Variants in DOK6 observed in about 807,000 individuals in gnomAD.
The protein encoded by DOK6 is docking protein 6.
Under a neutral mutation model 44.0 loss-of-function variants are expected in DOK6, and 22 were observed. The observed-to-expected ratio is 0.50, with a 90% CI of 0.36 to 0.71. DOK6 has a LOEUF of 0.71. Among genes scored for constraint, DOK6 ranks in the 30% least tolerant of loss-of-function variants. DOK6 has a pLI of 0.00. For missense variants in DOK6, 340 were observed against 416.4 expected (o/e 0.82, Z 1.60); for synonymous variants, 166 against 145.5 (o/e 1.14, Z -1.01).
intron 1 of DOK6, among the ~76,000 whole-genome samples, chr18:69,476,825 A>G (rs768779237): frequency 1.6e-4 from 24 of 152,204 alleles, no homozygotes; most frequent in South Asian, 4.1e-4. Flanking sequence ...TCAGAACCCA[A>G]TTGGAAGCAT....
intron 1 of DOK6, among the ~76,000 whole-genome samples, chr18:69,471,250 CAAAAA>C (rs71176969): frequency 4.2e-3 from 118 of 27,774 alleles, no homozygotes; most frequent in African/African-American, 0.012. Flanking sequence ...AACTCCATCT[CAAAAA>C]AAAAAAAAAA....
intron 1 of DOK6, among the ~76,000 whole-genome samples, chr18:69,538,605 A>G (rs1982184320): frequency 6.6e-6 from 1 of 151,900 alleles, no homozygotes; most frequent in South Asian, 2.1e-4. Context: ...CTGGCCTCCA[A>G]CTCCTAGGCT....
chr18:69,742,468 C>T (rs1489341114), intron 6 of DOK6, among the ~76,000 whole-genome samples: 1 of 147,276 alleles, frequency 6.8e-6, no homozygotes, highest in Non-Finnish European at 1.5e-5. Flanking sequence ...TGTGAGAAAA[C>T]ATTGCATTTG....
intron 4 of DOK6, among the ~76,000 whole-genome samples, chr18:69,681,625 G>T (rs1405120256): frequency 1.3e-5 from 2 of 152,136 alleles, no homozygotes; most frequent in East Asian, 3.9e-4. Context: ...TGCATACTTG[G>T]TAGACATTTC....
intron 3 of DOK6, among the ~76,000 whole-genome samples, chr18:69,639,814 A>G (rs1224702091): frequency 6.6e-6 from 1 of 152,226 alleles, no homozygotes; most frequent in African/African-American, 2.4e-5. Context: ...TAATTGGCTG[A>G]GGAATATCAA....
intron 2 of DOK6, among the ~76,000 whole-genome samples, chr18:69,589,465 T>C (rs193269394): frequency 1.8e-3 from 276 of 152,200 alleles, no homozygotes; most frequent in African/African-American, 5.8e-3. Flanking sequence ...CATTTGACTC[T>C]ACTTGAAAAA....
chr18:69,693,662 C>T (rs1459186996), intron 4 of DOK6, among the ~76,000 whole-genome samples: 2 of 152,040 alleles, frequency 1.3e-5, no homozygotes, highest in Non-Finnish European at 2.9e-5. Context: ...GTCAGAAATC[C>T]CCATCTCTGA....
chr18:69,556,302 T>C (rs1252667782), intron 1 of DOK6, among the ~76,000 whole-genome samples: 1 of 152,118 alleles, frequency 6.6e-6, no homozygotes, highest in Admixed American at 6.6e-5. Flanking sequence ...TATTTACCTG[T>C]GCAATTCTCT....
At chr18:69,748,720 A>T (rs1568114461) in intron 6 of DOK6, among the ~76,000 whole-genome samples, 1 of 152,214 alleles carries the variant, frequency 6.6e-6, no homozygotes, top group Non-Finnish European at 1.5e-5. Flanking sequence ...GATGTAAATT[A>T]GTTCAACCAT....
intron 7 of DOK6, among the ~76,000 whole-genome samples, chr18:69,814,558 G>A (rs1981340490): frequency 6.6e-6 from 1 of 152,094 alleles, no homozygotes; most frequent in African/African-American, 2.4e-5. Flanking sequence ...ATCCGAGACT[G>A]GATAATTTAT....
At chr18:69,558,929 T>C (rs868529302) in intron 1 of DOK6, among the ~76,000 whole-genome samples, 3 of 152,208 alleles carry the variant, frequency 2.0e-5, no homozygotes, top group Middle Eastern at 3.4e-3. Context: ...GTATAGAGTA[T>C]ACAGGAACTC....
At chr18:69,611,124 G>GA (rs1984129466) in intron 3 of DOK6, among the ~76,000 whole-genome samples, 1 of 152,012 alleles carries the variant, frequency 6.6e-6, no homozygotes, top group South Asian at 2.1e-4. Context: ...ATGAGCAAAA[G>GA]AAAACATCAA....
chr18:69,602,751 G>A (rs1034936429), intron 3 of DOK6, among the ~76,000 whole-genome samples: 1 of 152,008 alleles, frequency 6.6e-6, no homozygotes, highest in Non-Finnish European at 1.5e-5. Flanking sequence ...AAAATAATGT[G>A]GAAGTGAATA....
At chr18:69,779,879 G>A (rs7233828) in intron 7 of DOK6, among the ~76,000 whole-genome samples, 69,097 of 151,730 alleles carry the variant, frequency 0.46, 16,277 homozygotes, top group African/African-American at 0.54. Context: ...TTTCTATCCT[G>A]TGAATAAATA....
intron 1 of DOK6, 24 bp downstream of exon 1, chr18:69,401,334 C>A: frequency 6.7e-7 from 1 of 1,492,608 alleles, no homozygotes; most frequent in Non-Finnish European, 8.9e-7. Context: ...TCGGCTTGCT[C>A]CTTCCCCGGC....
intron 1 of DOK6, among the ~76,000 whole-genome samples, chr18:69,562,801 G>C (rs903726709): frequency 6.6e-6 from 1 of 152,092 alleles, no homozygotes; most frequent in Non-Finnish European, 1.5e-5. Context: ...TTGACAAATG[G>C]GATCTAATTA....
At chr18:69,775,892 T>C (rs1980048855) in intron 7 of DOK6, among the ~76,000 whole-genome samples, 1 of 151,836 alleles carries the variant, frequency 6.6e-6, no homozygotes, top group Non-Finnish European at 1.5e-5. Flanking sequence ...ATGTTATCAT[T>C]AGAAAAAAAT....
At chr18:69,741,572 A>C (rs1357468192) in intron 6 of DOK6, among the ~76,000 whole-genome samples, 1 of 152,118 alleles carries the variant, frequency 6.6e-6, no homozygotes, top group Non-Finnish European at 1.5e-5. Context: ...AACACAGCTC[A>C]CTGCAGCCTC....
At chr18:69,773,659 A>G (rs980607552) in intron 7 of DOK6, among the ~76,000 whole-genome samples, 5 of 152,042 alleles carry the variant, frequency 3.3e-5, no homozygotes, top group Admixed American at 2.6e-4. Flanking sequence ...AGCAGGGAAC[A>G]GAATGTGCTT....
Sources: allele counts gnomAD v4.1 joint callset (sites outside exome capture counted in the v4.1 genomes callset), GRCh38; gene constraint gnomAD v4.1.1; transcripts MANE v1.5; gene names NCBI Gene and HGNC (gene_info 2026-07-23, HGNC 2026-07-21).